Variants in JAKMIP3 observed in about 807,000 individuals in gnomAD.
JAKMIP3 encodes Janus kinase and microtubule interacting protein 3, also known as janus kinase and microtubule-interacting protein 3.
In JAKMIP3, 58 loss-of-function variants were observed where a neutral mutation model predicts 118.5. The ratio of observed to expected loss-of-function variants is 0.49; its 90% confidence interval spans 0.40 to 0.61. JAKMIP3 has a LOEUF of 0.61. Among genes scored for constraint, JAKMIP3 ranks in the 20% least tolerant of loss-of-function variants. The pLI, the probability that JAKMIP3 is intolerant of heterozygous loss-of-function variation, is 0.00. For missense variants in JAKMIP3, 950 were observed against 1,109.0 expected (o/e 0.86, Z 2.04); for synonymous variants, 486 against 451.2 (o/e 1.08, Z -0.98).
At chr10:132,105,904 G>A (rs11146179) in intron 2 of JAKMIP3, among the ~76,000 whole-genome samples, 33,934 of 152,122 alleles carry the variant, frequency 0.22, 4,284 homozygotes, top group African/African-American at 0.35. Flanking sequence ...GTCTGGCGGT[G>A]GAGGGGAGTC....
At chr10:132,052,467 G>C (rs924872712) in intron 1 of JAKMIP3, among the ~76,000 whole-genome samples, 7 of 152,142 alleles carry the variant, frequency 4.6e-5, no homozygotes, top group African/African-American at 1.7e-4. Flanking sequence ...AATTCTGTCA[G>C]TATATCTTCA....
In JAKMIP3 at chr10:132,183,785, C is replaced by G. The variant is rs2061658126; in HGVS notation, c.*2532C>G. ...GATTACAATACCCAGCATTTCAGAA[C>G]TGGGTTTTTGCCCCCAAAAAGGTAA... On this transcript the variant is annotated 3_prime_UTR_variant, in exon 24 of 24. Coordinates refer to ENST00000684848, the MANE Select transcript of JAKMIP3 (RefSeq NM_001323087.2). 6.6e-6 allele frequency: 1 copy of G among 152,216 alleles called. No homozygotes were observed. Among genetic ancestry groups the G allele is most frequent in the Admixed American group, 6.5e-5 (1 of 15,286 alleles). The allele number at this position is 152,216 out of a possible 1,614,324, so 9.4% of individuals were successfully genotyped here. A position where few individuals can be genotyped will look rare whatever the true frequency, so the allele number is the denominator to read the frequency against.
At position 132,118,303 on chromosome 10, in the gene JAKMIP3, T is replaced by C. The variant is rs1405655489; in HGVS notation, c.633+729T>C. 6.6e-6 allele frequency among the ~76,000 whole-genome samples: 1 copy of C among 152,228 alleles called. No homozygotes were observed. The highest frequency in any genetic ancestry group is 2.4e-5 in the African/African-American group (1 of 41,454). The stretch of plus-strand genomic sequence containing the variant: ...AGGCCCAGGGTTCAGCTGACGAGAA[T>C]GTCCAGGGATTGCAAGGGACTGATT... On this transcript the variant is annotated intron_variant, in intron 3 of 23. Transcript: ENST00000684848. This position sits in a 1 kb window ranked among gnomAD's most constrained non-coding sequence, Gnocchi z 4.8.
rs113148232 is a variant in JAKMIP3, at chr10:132,139,361, C to T, written c.1345-1090C>T. On this transcript the variant is annotated intron_variant, in intron 9 of 23. Transcript: ENST00000684848. ...ATGTGTGTACATGTGAGTGTATATG[C>T]GTCTGTACGTGTGTGAGTATGTGAG... Among the ~76,000 whole-genome samples, 270 of 98,932 alleles carry T rather than the reference C, an allele frequency of 2.7e-3. 1 individual carries two copies. The highest frequency in any genetic ancestry group is 0.011 in the African/African-American group (258 of 22,518). The allele number at this position is 98,932 out of a possible 152,430, so 64.9% of individuals were successfully genotyped here.
rs774277319 is a variant in JAKMIP3, at chr10:132,117,528, A to C, written c.587A>C (p.Glu196Ala). Residue 196 changes from glutamate (E) to alanine (A), a missense_variant, in exon 3 of 24, where the codon GAG becomes GCG. Coordinates refer to ENST00000684848, the MANE Select transcript of JAKMIP3 (RefSeq NM_001323087.2). The surrounding 1 kb of genome is among the most constrained non-coding windows in gnomAD (Gnocchi z 8.6). Reference protein sequence around the residue: ...IRSVYHLHQEEITRIKKECER... With the variant: ...IRSVYHLHQEAITRIKKECER... ...AGCGTGTACCACCTGCACCAGGAGG[A>C]GATCACCCGCATCAAGAAGGAGTGC... 2.5e-6 allele frequency: 4 copies of C among 1,594,654 alleles called. No homozygotes were observed. In the South Asian group the frequency reaches 4.5e-5, roughly 18 times the overall value.
At chr10:132,148,949 C>A (rs1477494792) in intron 14 of JAKMIP3, among the ~76,000 whole-genome samples, 1 of 152,206 alleles carries the variant, frequency 6.6e-6, no homozygotes, top group African/African-American at 2.4e-5. Context: ...GAGGACAGGG[C>A]AGCTGTGTGG....
At chr10:132,076,805 C>T (rs2040871236) in intron 1 of JAKMIP3, among the ~76,000 whole-genome samples, 1 of 150,900 alleles carries the variant, frequency 6.6e-6, no homozygotes, top group Admixed American at 6.6e-5. Context: ...CTGCGGTGGC[C>T]CCAGGTATGA....
Position 132,140,360 on chromosome 10 carries a change from C to T in JAKMIP3, c.1345-91C>T, listed in dbSNP as rs567967389. ...AGTGTGTCGCAGGGTGGGGCTGCGG[C>T]CCCCACCGTTGGGCAGCGGGAGGAG... On this transcript the variant is annotated intron_variant, in intron 9 of 23. Coordinates refer to ENST00000684848, the MANE Select transcript of JAKMIP3 (RefSeq NM_001323087.2). The T allele has an allele frequency of 5.2e-5, 80 of 1,546,946 alleles. No individual in the cohort carries two copies. The African/African-American group carries it at 8.7e-4, about 17-fold the overall frequency.
chr10:132,136,007 G>T lies in JAKMIP3; in HGVS notation c.1047G>T (p.Glu349Asp). 1 of 1,613,782 alleles carries T rather than the reference G, an allele frequency of 6.2e-7. No individual in the cohort carries two copies. Among genetic ancestry groups the T allele is most frequent in the Non-Finnish European group, 8.5e-7 (1 of 1,179,852 alleles). The part of the protein sequence containing the change: ...DKNKRLSRKN[E>D]DLSHALRRME... ...ACAAGCGCCTCAGTCGGAAGAACGA[G>T]GATTTGTCTCATGCTTTACGCCGAA... Residue 349 changes from glutamate (E) to aspartate (D), a missense_variant, in exon 6 of 24, where the codon GAG (glutamate) becomes GAT (aspartate). Coordinates refer to ENST00000684848, the MANE Select transcript of JAKMIP3 (RefSeq NM_001323087.2).
intron 1 of JAKMIP3, among the ~76,000 whole-genome samples, chr10:132,051,559 AT>A (rs938615993): frequency 4.1e-5 from 6 of 145,606 alleles, no homozygotes; most frequent in Non-Finnish European, 6.1e-5. Flanking sequence ...TCTTTTGCCT[AT>A]TTTTTTAATT....
intron 19 of JAKMIP3, among the ~76,000 whole-genome samples, chr10:132,159,784 T>A (rs1305006738): frequency 1.9e-5 from 1 of 52,632 alleles, no homozygotes; most frequent in Non-Finnish European, 3.2e-5. Flanking sequence ...GGTCTCTTCC[T>A]GTGTGATGCT....
In JAKMIP3 at chr10:132,153,623, G is replaced by A. The variant is rs1301142937; in HGVS notation, c.2074-136G>A. Reference sequence around the variant, plus strand: ...GCCAGCGCAGCCTCAACTCCCTGGAGAGGGCTGTGCTCTCCCCTCCCTAAG... The same window carrying A: ...GCCAGCGCAGCCTCAACTCCCTGGAAAGGGCTGTGCTCTCCCCTCCCTAAG... On this transcript the variant is annotated intron_variant, in intron 17 of 23. Coordinates refer to ENST00000684848, the MANE Select transcript of JAKMIP3 (RefSeq NM_001323087.2). The A allele has an allele frequency of 9.7e-6, 8 of 823,252 alleles. No homozygotes were observed. In the South Asian group the frequency reaches 1.2e-4, roughly 12 times the overall value. 51.0% of individuals were successfully genotyped at this position (823,252 alleles called of 1,614,324 possible).
chr10:132,158,126 G>A (rs1179219839), intron 19 of JAKMIP3, among the ~76,000 whole-genome samples: 2 of 108,280 alleles, frequency 1.8e-5, no homozygotes, highest in African/African-American at 3.6e-5. Flanking sequence ...TGTCTACTCA[G>A]CCATCCACCT....
chr10:132,098,390 A>G (rs9419185), intron 1 of JAKMIP3, among the ~76,000 whole-genome samples: 93,092 of 152,016 alleles, frequency 0.61, 28,763 homozygotes, highest in East Asian at 0.71. Context: ...CTGATGGCTC[A>G]CTGTCACCGT....
intron 20 of JAKMIP3, among the ~76,000 whole-genome samples, 186 bp downstream of exon 20, chr10:132,163,598 A>G (rs998892712): frequency 6.6e-6 from 1 of 151,766 alleles, no homozygotes; most frequent in African/African-American, 2.4e-5. Flanking sequence ...CCAAACCGTC[A>G]CGCCTTCCAC....
intron 1 of JAKMIP3, among the ~76,000 whole-genome samples, chr10:132,042,014 G>A (rs1214532349): frequency 1.3e-5 from 2 of 152,018 alleles, no homozygotes; most frequent in East Asian, 3.9e-4. Context: ...TTACAGGCAT[G>A]TGCCACCACA....
intron 2 of JAKMIP3, among the ~76,000 whole-genome samples, chr10:132,113,537 C>CT (rs1193357372): frequency 7.2e-5 from 11 of 152,264 alleles, no homozygotes; most frequent in Admixed American, 7.2e-4. Context: ...ACGCAGCAGA[C>CT]TGCCCTGCAG....
At chr10:132,159,795 GGGGGGCCTCT>G (rs2057781705) in intron 19 of JAKMIP3, among the ~76,000 whole-genome samples, 1 of 52,242 alleles carries the variant, frequency 1.9e-5, no homozygotes, top group African/African-American at 7.1e-5. Context: ...GTGTGATGCT[GGGGGGCCTCT>G]CGCTGTGTGA....
intron 1 of JAKMIP3, among the ~76,000 whole-genome samples, chr10:132,086,375 T>C (rs952738693): frequency 6.6e-6 from 1 of 152,202 alleles, no homozygotes; most frequent in African/African-American, 2.4e-5. Context: ...ATTAAGTCCA[T>C]TTGTTCCAGG....
Sources: allele counts gnomAD v4.1 joint callset (sites outside exome capture counted in the v4.1 genomes callset), GRCh38; gene constraint gnomAD v4.1.1; non-coding constraint Gnocchi (gnomAD v3.1); transcripts MANE v1.5; gene names NCBI Gene and HGNC (gene_info 2026-07-23, HGNC 2026-07-21).